The following ASTN1 variants were observed in gnomAD, a reference collection of about 807,000 sequenced individuals.
The protein encoded by ASTN1 is astrotactin-1.
A neutral mutation model predicts 140.7 loss-of-function variants in ASTN1; 41 were observed. The ratio of observed to expected loss-of-function variants is 0.29; its 90% CI spans 0.23 to 0.38. The LOEUF (loss-of-function observed/expected upper bound fraction) is 0.38. Ranked by LOEUF, ASTN1 falls within the 10% of genes least tolerant of loss-of-function variation. The pLI, the probability that ASTN1 is intolerant of heterozygous loss-of-function variation, is 1.00. For missense variants in ASTN1, 1,479 were observed against 1,678.8 expected, an observed-to-expected ratio of 0.88 and a Z score of 2.08; for synonymous variants, 640 against 652.2, an observed-to-expected ratio of 0.98 and a Z score of 0.29.
chr1:176,865,170 T>C (rs1420615549), intron 22 of ASTN1, among the ~76,000 whole-genome samples: 1 of 152,174 alleles, frequency 6.6e-6, no homozygotes, highest in Non-Finnish European at 1.5e-5. Flanking sequence ...AGGAGGCCAT[T>C]ATCATTGTCA....
chr1:177,101,871 C>A (rs536993192), intron 1 of ASTN1, among the ~76,000 whole-genome samples: 16 of 152,166 alleles, frequency 1.1e-4, no homozygotes, highest in Non-Finnish European at 1.8e-4. Flanking sequence ...TGGTTACAAG[C>A]CTGCAAATGA....
chr1:177,041,922 A>C (rs894991650), intron 2 of ASTN1, among the ~76,000 whole-genome samples: 1 of 152,340 alleles, frequency 6.6e-6, no homozygotes, highest in East Asian at 1.9e-4. Context: ...CAGCATTAAA[A>C]ACTAGTCACT....
At chr1:177,153,523 T>C (rs1235549077) in intron 1 of ASTN1, among the ~76,000 whole-genome samples, 2 of 152,034 alleles carry the variant, frequency 1.3e-5, no homozygotes, top group South Asian at 2.1e-4. Flanking sequence ...TCAAACTACA[T>C]ACCACAATAA....
intron 1 of ASTN1, among the ~76,000 whole-genome samples, chr1:177,118,667 C>A (rs949130988): frequency 6.6e-6 from 1 of 152,266 alleles, no homozygotes; most frequent in Middle Eastern, 3.4e-3. Flanking sequence ...CGTTTAATTT[C>A]AGGCTGTCTT....
At chr1:177,002,435 A>G (rs763124638) in intron 8 of ASTN1, among the ~76,000 whole-genome samples, 3 of 152,128 alleles carry the variant, frequency 2.0e-5, no homozygotes, top group Admixed American at 6.5e-5. Context: ...ATCAAGAGAC[A>G]GAACAATACA....
At chr1:176,979,958 A>G (rs1178688613) in intron 8 of ASTN1, among the ~76,000 whole-genome samples, 1 of 152,222 alleles carries the variant, frequency 6.6e-6, no homozygotes, top group Non-Finnish European at 1.5e-5. Flanking sequence ...TTAACTGGTG[A>G]CAAAATTAAA....
At chr1:177,016,982 C>T (rs1675575605) in intron 7 of ASTN1, among the ~76,000 whole-genome samples, 2 of 152,192 alleles carry the variant, frequency 1.3e-5, no homozygotes. Flanking sequence ...ATGGTCTCGG[C>T]TAGACGCCTT....
intron 21 of ASTN1, among the ~76,000 whole-genome samples, chr1:176,875,708 T>G (rs1374894527): frequency 6.6e-6 from 1 of 152,224 alleles, no homozygotes; most frequent in Admixed American, 6.5e-5. Context: ...AATATTTCTC[T>G]TACTGAAACT....
chr1:176,873,622 G>A (rs1668440389), intron 21 of ASTN1, among the ~76,000 whole-genome samples: 1 of 152,146 alleles, frequency 6.6e-6, no homozygotes, highest in South Asian at 2.1e-4. Flanking sequence ...GGAAGACAAA[G>A]CATATGGTAT....
At chr1:176,932,993 T>C (rs907587128) in intron 16 of ASTN1, among the ~76,000 whole-genome samples, 5 of 152,238 alleles carry the variant, frequency 3.3e-5, no homozygotes, top group African/African-American at 4.8e-5. Context: ...CTTGGCAAAT[T>C]GGAATCAGAA....
intron 16 of ASTN1, among the ~76,000 whole-genome samples, chr1:176,915,791 C>A (rs114392991): frequency 1.7e-4 from 26 of 152,344 alleles, no homozygotes; most frequent in African/African-American, 6.3e-4. Context: ...CGATGTCTCA[C>A]ATGTCCCTGG....
chr1:176,868,983 C>T lies in ASTN1; in HGVS notation c.3508G>A (p.Gly1170Arg), dbSNP rs1179406550. ...TTGTAGGCGGTCTGCTGCTCCTTCC[C>T]ACTAGTGTAGCCATTGAAGAGATTG... Reference protein sequence around the residue: ...IYNLFNGYTSGKEQQTAYNTL... With the variant: ...IYNLFNGYTSRKEQQTAYNTL... Residue 1170 changes from glycine (G) to arginine (R), a missense_variant, in exon 22 of 23, where the codon GGG (glycine) becomes AGG (arginine). Physicochemically the swap from Gly to Arg is moderately radical, Grantham distance 125. Transcript: ENST00000361833. 2 of 1,610,976 alleles carry T rather than the reference C, an allele frequency of 1.2e-6. No homozygotes were observed. The highest frequency in any genetic ancestry group is 2.7e-5 in the African/African-American group (2 of 74,878).
intron 1 of ASTN1, among the ~76,000 whole-genome samples, chr1:177,136,077 T>A (rs142547299): frequency 5.3e-5 from 8 of 152,308 alleles, no homozygotes; most frequent in Non-Finnish European, 1.2e-4. Flanking sequence ...CTTGACACTG[T>A]GCTAAAATTT....
intron 2 of ASTN1, among the ~76,000 whole-genome samples, chr1:177,043,646 T>C (rs1207781027): frequency 6.6e-6 from 1 of 152,268 alleles, no homozygotes; most frequent in Admixed American, 6.5e-5. Flanking sequence ...TTATCCCTTG[T>C]ACCATTCCAG....
intron 1 of ASTN1, among the ~76,000 whole-genome samples, chr1:177,113,296 C>A (rs1289540388): frequency 1.3e-5 from 2 of 152,192 alleles, no homozygotes; most frequent in African/African-American, 2.4e-5. Context: ...ACTGTCCCCC[C>A]AACCCCCAGA....
intron 1 of ASTN1, among the ~76,000 whole-genome samples, chr1:177,096,687 T>C (rs973992121): frequency 2.0e-5 from 3 of 152,176 alleles, no homozygotes; most frequent in African/African-American, 7.2e-5. Flanking sequence ...GCAGTTCCCC[T>C]GCCACATGCC....
intron 16 of ASTN1, 150 bp from the exon 17 acceptor site, chr1:176,894,980 T>A: frequency 9.0e-7 from 1 of 1,108,606 alleles, no homozygotes; most frequent in Non-Finnish European, 1.3e-6. Flanking sequence ...CCCACTTAAT[T>A]TGGGGCACCC....
intron 3 of ASTN1, among the ~76,000 whole-genome samples, chr1:177,032,140 T>C (rs900248222): frequency 6.6e-6 from 1 of 152,224 alleles, no homozygotes; most frequent in African/African-American, 2.4e-5. Context: ...TTTCTTGCTA[T>C]CTCATTTCCC....
At chr1:177,139,140 A>G (rs1682341507) in intron 1 of ASTN1, among the ~76,000 whole-genome samples, 1 of 152,228 alleles carries the variant, frequency 6.6e-6, no homozygotes, top group Admixed American at 6.5e-5. Flanking sequence ...AGATGAGCAT[A>G]GCATTGGGGA....
Sources: allele counts gnomAD v4.1 joint callset (sites outside exome capture counted in the v4.1 genomes callset), GRCh38; gene constraint gnomAD v4.1.1; transcripts MANE v1.5; gene names NCBI Gene and HGNC (gene_info 2026-07-23, HGNC 2026-07-21).